Variants in LIPN observed in about 807,000 individuals in gnomAD.
LIPN encodes lipase member N.
In LIPN, 32 loss-of-function variants were observed where a neutral mutation model predicts 43.7. The ratio of observed to expected loss-of-function variants is 0.73; its 90% CI spans 0.55 to 0.98. The LOEUF (loss-of-function observed/expected upper bound fraction) is 0.98, where lower values mean the gene tolerates loss of function less well. Among genes scored for constraint, LIPN ranks in the 50% least tolerant of loss-of-function variants. The pLI is 0.00. For synonymous variants in LIPN, 156 were observed against 157.6 expected (o/e 0.99, Z 0.08); for missense variants, 505 against 483.8 (o/e 1.04, Z -0.41).
upstream of LIPN, among the ~76,000 whole-genome samples, chr10:88,757,589 G>C (rs992144621): frequency 3.3e-5 from 5 of 152,054 alleles, no homozygotes; most frequent in African/African-American, 1.2e-4. Flanking sequence ...TGTTTTTAAA[G>C]ATGGATGTAG....
upstream of LIPN, among the ~76,000 whole-genome samples, chr10:88,759,387 G>A (rs538119214): frequency 1.3e-5 from 2 of 152,252 alleles, no homozygotes; most frequent in East Asian, 3.9e-4. Context: ...AGGCACGTGT[G>A]CCTCCATTAT....
rs374502288 is a variant in LIPN at position 88,778,186 on chromosome 10, G to A, written c.1141G>A (p.Asp381Asn). The A allele has an allele frequency of 6.2e-6, 10 of 1,613,028 alleles. No individual in the cohort carries two copies. The African/African-American group carries it at 6.7e-5, about 11-fold the overall frequency. The change falls in exon 10 of 10, where the codon GAT becomes AAT. Residue 381 changes from aspartate to asparagine, a missense_variant. Transcript: ENST00000404459. ...CCACTTTGATTTTGTCTGGGGCCTC[G>A]ATGCCCCTCAACGGATGTACAGTGA... Reference protein sequence around the residue: ...WNHFDFVWGLDAPQRMYSEII... With the variant: ...WNHFDFVWGLNAPQRMYSEII...
chr10:88,778,415 A>G lies in LIPN; in HGVS notation c.*173A>G, dbSNP rs368307980. On this transcript the variant is annotated 3_prime_UTR_variant, in exon 10 of 10. Transcript: ENST00000404459. ...TATTTATGTTTAGAGACATCTTTGCATGGGACCATCTACAGGTCCTTATAA... is the reference window on the plus strand; with the variant it reads ...TATTTATGTTTAGAGACATCTTTGCGTGGGACCATCTACAGGTCCTTATAA... Among the ~76,000 whole-genome samples the G allele has an allele frequency of 2.6e-5, 4 of 152,268 alleles. No homozygotes were observed. The highest frequency in any genetic ancestry group is 3.9e-4 in the East Asian group (2 of 5,174).
intron 4 of LIPN, among the ~76,000 whole-genome samples, chr10:88,766,012 A>G (rs1217418066): frequency 6.6e-6 from 1 of 151,968 alleles, no homozygotes. Context: ...AAGGGAAGGA[A>G]GAGGAGGGAT....
rs139074210 is a variant in LIPN at position 88,774,453 on chromosome 10, A to G, written c.820-20A>G. ...AATTTTGTTGGGCAATTGCTGTAAT[A>G]TGAGTTTTATCTCCTTTAGAGTCGA... On this transcript the variant is annotated intron_variant, in intron 7 of 9. Coordinates refer to ENST00000404459, the MANE Select transcript of LIPN (RefSeq NM_001102469.2). 3 of 1,583,458 alleles carry G rather than the reference A, an allele frequency of 1.9e-6. No homozygotes were observed. In the South Asian group the frequency reaches 3.4e-5, roughly 18 times the overall value.
intron 9 of LIPN, among the ~76,000 whole-genome samples, chr10:88,775,493 A>T (rs1439035271): frequency 6.6e-6 from 1 of 151,982 alleles, no homozygotes; most frequent in Non-Finnish European, 1.5e-5. Context: ...ATAGTAAGAG[A>T]TAACTAATAT....
At chr10:88,777,240 C>T (rs1213232976) in intron 9 of LIPN, among the ~76,000 whole-genome samples, 1 of 152,040 alleles carries the variant, frequency 6.6e-6, no homozygotes, top group African/African-American at 2.4e-5. Flanking sequence ...TTCTGATTTT[C>T]CTTCTGTTTG....
chr10:88,765,368 A>G (rs909543734), intron 4 of LIPN, among the ~76,000 whole-genome samples: 18 of 152,050 alleles, frequency 1.2e-4, no homozygotes, highest in African/African-American at 4.3e-4. Context: ...AACATTCAGT[A>G]CCCACTGAAA....
At chr10:88,771,225 G>A (rs1843203338) in intron 7 of LIPN, among the ~76,000 whole-genome samples, 1 of 151,648 alleles carries the variant, frequency 6.6e-6, no homozygotes, top group African/African-American at 2.4e-5. Flanking sequence ...AGGGTAATTG[G>A]GATATCCATC....
In LIPN at chr10:88,768,806, T is replaced by A; in HGVS notation, c.550T>A (p.Ser184Thr). The change falls in exon 6 of 10, where the codon TCC (serine) becomes ACC (threonine). Residue 184 changes from serine (S) to threonine (T), a missense_variant. By Grantham distance (58) the Ser-to-Thr change is moderately conservative. Coordinates refer to ENST00000404459, the MANE Select transcript of LIPN (RefSeq NM_001102469.2). ...LGTTIGFVAFSTMPELAQRIK... is the reference protein window; with the variant it reads ...LGTTIGFVAFTTMPELAQRIK... ...TGTTCTCTCAGGGTTTGTAGCCTTT[T>A]CCACCATGCCTGAACTGGCACAAAG... is the stretch of plus-strand genomic sequence containing the variant. 1 of 1,611,302 alleles carries A rather than the reference T, an allele frequency of 6.2e-7. No homozygotes were observed. The highest frequency in any genetic ancestry group is 8.5e-7 in the Non-Finnish European group (1 of 1,178,310).
chr10:88,771,970 T>C (rs1564583991), intron 7 of LIPN, among the ~76,000 whole-genome samples: 1 of 151,830 alleles, frequency 6.6e-6, no homozygotes, highest in Non-Finnish European at 1.5e-5. Context: ...GAGATAGTAC[T>C]TCATTGTAGT....
intron 9 of LIPN, 129 bp downstream of exon 9, chr10:88,775,292 TTTTA>T (rs2133030322): frequency 2.4e-6 from 1 of 416,582 alleles, no homozygotes; most frequent in Admixed American, 4.6e-5. Context: ...TTTAAAAAAA[TTTTA>T]ATTTTAATTT....
chr10:88,768,743 T>A, intron 5 of LIPN, 49 bp from the exon 6 acceptor site: 1 of 1,562,036 alleles, frequency 6.4e-7, no homozygotes, highest in Non-Finnish European at 8.7e-7. Context: ...TTAGAAACAC[T>A]GCGTAAGTAT....
At chr10:88,761,546 T>C in intron 2 of LIPN, 33 bp downstream of exon 2, 1 of 1,448,200 alleles carries the variant, frequency 6.9e-7, no homozygotes, top group Non-Finnish European at 9.7e-7. Flanking sequence ...GAACATCAAA[T>C]AAAGCAGGAC....
intron 6 of LIPN, chr10:88,769,561 C>T (rs925581043): frequency 1.5e-5 from 15 of 980,316 alleles, no homozygotes; most frequent in Non-Finnish European, 1.8e-5. Context: ...AAGGTCATTG[C>T]CACAATGAAC....
chr10:88,772,703 G>T (rs915868176), intron 7 of LIPN, among the ~76,000 whole-genome samples: 8 of 151,712 alleles, frequency 5.3e-5, no homozygotes, highest in African/African-American at 1.9e-4. Context: ...CTCCAGCTTT[G>T]TTCTTTTTTC....
intron 9 of LIPN, 75 bp downstream of exon 9, chr10:88,775,238 C>G (rs138135441): frequency 2.0e-6 from 2 of 1,007,580 alleles, no homozygotes; most frequent in African/African-American, 3.3e-5. Context: ...GGTGGAAAGA[C>G]TCCTACCTGT....
upstream of LIPN, among the ~76,000 whole-genome samples, chr10:88,759,884 A>G (rs1156592850): frequency 2.0e-5 from 3 of 152,034 alleles, no homozygotes; most frequent in East Asian, 1.9e-4. Flanking sequence ...CTATTTCCCA[A>G]CCTGCAAGTG....
At chr10:88,766,122 C>G in intron 4 of LIPN, 147 bp from the exon 5 acceptor site, 1 of 581,984 alleles carries the variant, frequency 1.7e-6, no homozygotes, top group African/African-American at 1.9e-5. Flanking sequence ...GCTACAATAG[C>G]CTACATATAA....
Sources: allele counts gnomAD v4.1 joint callset (sites outside exome capture counted in the v4.1 genomes callset), GRCh38; gene constraint gnomAD v4.1.1; transcripts MANE v1.5; gene names NCBI Gene and HGNC (gene_info 2026-07-23, HGNC 2026-07-21).